The following PCDHGA4 variants were observed in gnomAD, a reference collection of about 807,000 sequenced individuals.
PCDHGA4 encodes protocadherin gamma subfamily A, 4, also known as protocadherin gamma-A4.
Under a neutral mutation model 54.6 loss-of-function variants are expected in PCDHGA4, and 38 were observed. The ratio of observed to expected loss-of-function variants is 0.70; its 90% confidence interval spans 0.54 to 0.91. The LOEUF (loss-of-function observed/expected upper bound fraction) is 0.91. Ranked by LOEUF, PCDHGA4 falls within the 40% of genes least tolerant of loss-of-function variation. The pLI, the probability that PCDHGA4 is intolerant of heterozygous loss-of-function variation, is 0.00. For synonymous variants in PCDHGA4, 511 were observed against 512.9 expected (o/e 1.00, Z 0.05); for missense variants, 1,298 against 1,220.9 (o/e 1.06, Z -0.94).
intron 1 of PCDHGA4, among the ~76,000 whole-genome samples, chr5:141,397,686 T>C (rs963267542): frequency 7.2e-5 from 11 of 152,372 alleles, no homozygotes; most frequent in Middle Eastern, 3.4e-3. Flanking sequence ...TGCAGGTTTG[T>C]ATAAAAACCC....
At chr5:141,414,947 T>C (rs1422289231) in intron 1 of PCDHGA4, 1 of 1,614,052 alleles carries the variant, frequency 6.2e-7, no homozygotes, top group Non-Finnish European at 8.5e-7. Context: ...CCCGGCTACC[T>C]GGTGACCAAG....
At chr5:141,433,204 C>A in intron 1 of PCDHGA4, 1 of 1,566,946 alleles carries the variant, frequency 6.4e-7, no homozygotes, top group Non-Finnish European at 8.6e-7. Flanking sequence ...ATCAAATCTT[C>A]TTTCTTTTTT....
Position 141,490,522 on chromosome 5 carries a change from G to A in PCDHGA4, c.2515-4285G>A, listed in dbSNP as rs191201177. ...CTATATCATCGAGCTGCTGGCCAGC[G>A]ATGCTGGTTCACCTTCCCTACACAA... On this transcript the variant is annotated intron_variant, in intron 1 of 3. Transcript: ENST00000571252. This position sits in a 1 kb window ranked among gnomAD's most constrained non-coding sequence, Gnocchi z 5.4. 5.0e-6 allele frequency: 8 copies of A among 1,614,054 alleles called. No homozygotes were observed. Among genetic ancestry groups the A allele is most frequent in the Admixed American group, 3.3e-5 (2 of 60,010 alleles).
Position 141,478,335 on chromosome 5 carries a change from C to T in PCDHGA4, c.2515-16472C>T, listed in dbSNP as rs202213361. On this transcript the variant is annotated intron_variant, in intron 1 of 3. Coordinates refer to ENST00000571252, the MANE Select transcript of PCDHGA4 (RefSeq NM_018917.4). ...AGCTCACTGTACCGAACACCAGGGC[C>T]CTCCTTGCACGCGGACGCCGTGCGG... 4.7e-5 allele frequency: 76 copies of T among 1,613,822 alleles called. No individual in the cohort carries two copies. The highest frequency in any genetic ancestry group is 6.1e-5 in the Non-Finnish European group (72 of 1,180,028).
At chr5:141,429,469 T>C (rs547784462) in intron 1 of PCDHGA4, among the ~76,000 whole-genome samples, 4 of 151,932 alleles carry the variant, frequency 2.6e-5, no homozygotes, top group African/African-American at 4.8e-5. Context: ...CCCACCTCAA[T>C]CTCCAGAGTA....
At chr5:141,427,845 G>C in intron 1 of PCDHGA4, 1 of 1,550,582 alleles carries the variant, frequency 6.4e-7, no homozygotes, top group Non-Finnish European at 8.8e-7. Context: ...CTTCGACCAC[G>C]AGCAGCTGTG....
chr5:141,366,388 T>G, intron 1 of PCDHGA4: 5 of 1,614,152 alleles, frequency 3.1e-6, no homozygotes, highest in Non-Finnish European at 4.2e-6. Context: ...ACCCTGAGGA[T>G]CTGGACCTCA....
intron 1 of PCDHGA4, chr5:141,433,179 T>C (rs760574214): frequency 1.2e-5 from 20 of 1,608,614 alleles, no homozygotes; most frequent in Admixed American, 1.7e-5. Flanking sequence ...CATGGGTTAA[T>C]TGAGGTGAGT....
intron 1 of PCDHGA4, chr5:141,420,342 T>C: frequency 7.2e-7 from 1 of 1,388,390 alleles, no homozygotes; most frequent in Non-Finnish European, 9.6e-7. Flanking sequence ...AATATAGTGG[T>C]ATTATTTTAA....
chr5:141,511,265 A>C lies in PCDHGA4; in HGVS notation c.*92A>C. The C allele has an allele frequency of 6.4e-7, 1 of 1,551,730 alleles. No individual in the cohort carries two copies. Among genetic ancestry groups the C allele is most frequent in the Non-Finnish European group, 8.7e-7 (1 of 1,148,178 alleles). ...ACCCAGGCCTCAGAGTTTCAGGGCT[A>C]ACCCCCAGAATACTGGTAGGGGCCA... On this transcript the variant is annotated 3_prime_UTR_variant, in exon 4 of 4. Coordinates refer to ENST00000571252, the MANE Select transcript of PCDHGA4 (RefSeq NM_018917.4).
In PCDHGA4 at chr5:141,491,771, G is replaced by C. The variant is rs760915700; in HGVS notation, c.2515-3036G>C. ...GGAGAAGCCGCCCGTCCTCATAAGG[G>C]ATTGAACTTGCATCCACTCCTCTCC... On this transcript the variant is annotated intron_variant, in intron 1 of 3. Coordinates refer to ENST00000571252, the MANE Select transcript of PCDHGA4 (RefSeq NM_018917.4). The surrounding 1 kb of genome is among the most constrained non-coding windows in gnomAD (Gnocchi z 6.9). 6.4e-7 allele frequency: 1 copy of C among 1,558,290 alleles called. No individual in the cohort carries two copies. Among genetic ancestry groups the C allele is most frequent in the Non-Finnish European group, 8.7e-7 (1 of 1,153,586 alleles).
chr5:141,405,439 A>G (rs1285285172), intron 1 of PCDHGA4: 1 of 1,423,798 alleles, frequency 7.0e-7, no homozygotes, highest in Admixed American at 2.0e-5. Context: ...TTTGTTTTTG[A>G]GACAGAGTCT....
intron 1 of PCDHGA4, chr5:141,372,298 GGGA>G: frequency 6.2e-7 from 1 of 1,613,330 alleles, no homozygotes; most frequent in Non-Finnish European, 8.5e-7. Flanking sequence ...TTGGGCGACA[GGGA>G]GGCCGCCCGC....
chr5:141,489,112 A>C lies in PCDHGA4; in HGVS notation c.2515-5695A>C. 3 of 412,420 alleles carry C rather than the reference A, an allele frequency of 7.3e-6. No individual in the cohort carries two copies. Among genetic ancestry groups the C allele is most frequent in the South Asian group, 4.2e-5 (1 of 23,838 alleles). The allele number at this position is 412,420 out of a possible 1,614,324, so 25.5% of individuals were successfully genotyped here. ...TGACTAAGAACTGCTGCAAGCAGGC[A>C]AACCTCCGAGCAGTTTTTAAGAGGC... is the stretch of plus-strand genomic sequence containing the variant. On this transcript the variant is annotated intron_variant, in intron 1 of 3. Coordinates refer to ENST00000571252, the MANE Select transcript of PCDHGA4 (RefSeq NM_018917.4). The surrounding 1 kb of genome is among the most constrained non-coding windows in gnomAD (Gnocchi z 4.5).
intron 1 of PCDHGA4, chr5:141,404,584 C>T: frequency 6.2e-7 from 1 of 1,613,980 alleles, no homozygotes; most frequent in Non-Finnish European, 8.5e-7. Flanking sequence ...CACTTAGCAG[C>T]AATGTGTCAT....
At chr5:141,384,071 C>A (rs1476893471) in intron 1 of PCDHGA4, 2 of 1,603,074 alleles carry the variant, frequency 1.2e-6, no homozygotes, top group Non-Finnish European at 1.7e-6. Context: ...GAAAACCTAC[C>A]TTTTAAATTA....
intron 1 of PCDHGA4, chr5:141,430,769 G>T: frequency 6.6e-7 from 1 of 1,508,212 alleles, no homozygotes; most frequent in Non-Finnish European, 8.9e-7. Context: ...AATGATTCCT[G>T]CGCGACTGCA....
In PCDHGA4 at chr5:141,491,410, G is replaced by T. The variant is rs777207581; in HGVS notation, c.2515-3397G>T. On this transcript the variant is annotated intron_variant, in intron 1 of 3. Transcript: ENST00000571252. The surrounding 1 kb of genome is among the most constrained non-coding windows in gnomAD (Gnocchi z 6.9). ...GTGCCTTCAGGGAAACGCAGACGGG[G>T]ACGGGGGTGGAGGGCAGTGCTGCAG... 28 of 1,614,142 alleles carry T rather than the reference G, an allele frequency of 1.7e-5. No individual in the cohort carries two copies. The highest frequency in any genetic ancestry group is 2.4e-5 in the Non-Finnish European group (28 of 1,180,034).
chr5:141,365,804 G>T, intron 1 of PCDHGA4: 1 of 1,613,872 alleles, frequency 6.2e-7, no homozygotes, highest in African/African-American at 1.3e-5. Context: ...CTACTCCCTG[G>T]CTGAAGACAC....
Sources: gnomAD v4.1 joint callset for allele counts (sites outside exome capture counted in the v4.1 genomes callset) on GRCh38, gnomAD v4.1.1 for gene constraint, Gnocchi (gnomAD v3.1) non-coding constraint, MANE v1.5 for transcripts, NCBI Gene and HGNC (gene_info 2026-07-23, HGNC 2026-07-21) for gene names.